Variants in RNF6 observed in about 807,000 individuals in gnomAD.
RNF6 encodes ring finger protein 6.
RNF6 carries 21 observed loss-of-function variants against 50.1 expected under a neutral mutation model. That is an observed-to-expected ratio of 0.42 (90% CI 0.30 to 0.60). The LOEUF is 0.60. Among genes scored for constraint, RNF6 ranks in the 20% least tolerant of loss-of-function variants. RNF6 has a pLI of 0.20. For synonymous variants in RNF6, 255 were observed against 291.8 expected (o/e 0.87, Z 1.29); for missense variants, 698 against 838.2 (o/e 0.83, Z 2.07).
rs374871143 is a variant in RNF6 at position 26,153,057 on chromosome 13, G to A, written n.769-20606C>T. Reference sequence around the variant, plus strand: ...AGTCCCGGCTACTTACGAGGCTGAGGCAGGAGAATTGCTTGAACCCAGGAG... The same window carrying A: ...AGTCCCGGCTACTTACGAGGCTGAGACAGGAGAATTGCTTGAACCCAGGAG... On this transcript the variant is annotated intron_variant and non_coding_transcript_variant, in intron 5 of 5. Transcript: ENST00000468480. 9.2e-5 allele frequency among the ~76,000 whole-genome samples: 14 copies of A among 151,906 alleles called. No individual in the cohort carries two copies. The East Asian group carries it at 2.1e-3, about 23-fold the overall frequency.
At chr13:26,154,606 A>G (rs1301860169) in intron 5 of RNF6, among the ~76,000 whole-genome samples, 1 of 152,248 alleles carries the variant, frequency 6.6e-6, no homozygotes, top group Non-Finnish European at 1.5e-5. Flanking sequence ...CAGAGAAAAC[A>G]CAAAGATACC....
At chr13:26,208,475 A>G (rs780870223), downstream of RNF6, among the ~76,000 whole-genome samples, 27 of 152,200 alleles carry the variant, frequency 1.8e-4, no homozygotes, top group Non-Finnish European at 2.6e-4. Context: ...TTGGAAGCTT[A>G]CCTGGATTTC....
chr13:26,219,491 C>T lies in RNF6; in HGVS notation c.159G>A (p.Arg53=), dbSNP rs61753154. Residue 53 remains arginine, a synonymous_variant, in exon 3 of 5, where the codon CGG becomes CGA. Transcript: ENST00000381588. The part of the protein sequence containing the change: ...FINELNDEDY[R]LMRDHNLLGT... ...CTAAAAGATTATGGTCTCTCATAAG[C>T]CGATAATCTTCATCATTGAGTTCAT... 6.0e-3 allele frequency: 9,760 copies of T among 1,613,646 alleles called. 43 individuals are homozygous for T. The highest frequency in any genetic ancestry group is 0.014 in the African/African-American group (1,073 of 74,990).
At chr13:26,194,483 T>C (rs1868581553) in intron 5 of RNF6, among the ~76,000 whole-genome samples, 1 of 152,148 alleles carries the variant, frequency 6.6e-6, no homozygotes, top group South Asian at 2.1e-4. Context: ...CCTCACCCTA[T>C]ACCTTATCAT....
At chr13:26,211,612 G>C (rs887926537), downstream of RNF6, among the ~76,000 whole-genome samples, 2 of 152,008 alleles carry the variant, frequency 1.3e-5, no homozygotes, top group South Asian at 4.2e-4. Context: ...CAGAAAATTC[G>C]CCGGGCGTGG....
intron 5 of RNF6, among the ~76,000 whole-genome samples, chr13:26,148,781 T>C (rs1304383467): frequency 6.7e-6 from 1 of 149,634 alleles, no homozygotes; most frequent in Non-Finnish European, 1.5e-5. Context: ...TCCCCAGATC[T>C]GCAGGGTGAG....
intron 5 of RNF6, among the ~76,000 whole-genome samples, chr13:26,151,882 T>C (rs1186262188): frequency 6.6e-6 from 1 of 152,218 alleles, no homozygotes; most frequent in South Asian, 2.1e-4. Context: ...TCCATTTCTC[T>C]GGGGTGCAGC....
chr13:26,142,681 C>T (rs1243487306), intron 5 of RNF6, among the ~76,000 whole-genome samples: 3 of 152,068 alleles, frequency 2.0e-5, no homozygotes, highest in Non-Finnish European at 2.9e-5. Flanking sequence ...TGGGTACACA[C>T]AGACATAAGA....
intron 5 of RNF6, among the ~76,000 whole-genome samples, chr13:26,179,746 G>A (rs1186209449): frequency 2.0e-5 from 3 of 152,158 alleles, no homozygotes; most frequent in Admixed American, 2.0e-4. Flanking sequence ...TGGATCCAGA[G>A]GCAGAGGTTT....
At chr13:26,161,293 A>T (rs181665089) in intron 5 of RNF6, among the ~76,000 whole-genome samples, 29 of 152,276 alleles carry the variant, frequency 1.9e-4, no homozygotes, top group Admixed American at 7.9e-4. Context: ...TAATATTTTT[A>T]AAAATATGCT....
intron 5 of RNF6, among the ~76,000 whole-genome samples, chr13:26,155,401 A>G (rs1246518030): frequency 1.3e-5 from 2 of 152,104 alleles, no homozygotes; most frequent in African/African-American, 4.8e-5. Context: ...TTTCTGGTTT[A>G]AAAATCAGAA....
intron 5 of RNF6, among the ~76,000 whole-genome samples, chr13:26,140,753 T>C (rs1464423250): frequency 6.6e-6 from 1 of 152,074 alleles, no homozygotes; most frequent in South Asian, 2.1e-4. Context: ...AACAAAAAGC[T>C]CCTAGACCTG....
chr13:26,184,018 A>ATATATATT (rs1335766541), intron 5 of RNF6, among the ~76,000 whole-genome samples: 14 of 33,940 alleles, frequency 4.1e-4, no homozygotes, highest in African/African-American at 1.0e-3. Context: ...ATATATATAT[A>ATATATATT]TTTTTTTTTT....
intron 5 of RNF6, among the ~76,000 whole-genome samples, chr13:26,204,496 C>CAAAAAAAAA (rs71080239): frequency 1.2e-4 from 8 of 68,904 alleles, no homozygotes; most frequent in African/African-American, 1.7e-4. Context: ...GACTCCACCT[C>CAAAAAAAAA]AAAAAAAAAA....
intron 5 of RNF6, among the ~76,000 whole-genome samples, chr13:26,157,512 A>C (rs1871990110): frequency 6.6e-6 from 1 of 152,152 alleles, no homozygotes; most frequent in Non-Finnish European, 1.5e-5. Flanking sequence ...TCTAGTATAC[A>C]AAAAGTCTTT....
At chr13:26,217,286 G>T (rs993782952) in intron 4 of RNF6, among the ~76,000 whole-genome samples, 7 of 152,186 alleles carry the variant, frequency 4.6e-5, no homozygotes, top group Non-Finnish European at 5.9e-5. Flanking sequence ...TGAGTAAAAG[G>T]CAGGTGAACA....
chr13:26,151,995 C>A (rs545641128), intron 5 of RNF6, among the ~76,000 whole-genome samples: 1 of 152,162 alleles, frequency 6.6e-6, no homozygotes, highest in Non-Finnish European at 1.5e-5. Context: ...CCACTGCCTT[C>A]TCACTGTCTC....
At chr13:26,188,820 A>G (rs1413930586) in intron 5 of RNF6, among the ~76,000 whole-genome samples, 6 of 151,084 alleles carry the variant, frequency 4.0e-5, no homozygotes, top group Non-Finnish European at 8.9e-5. Context: ...AGTAGAGATG[A>G]GGTTTCAACA....
At chr13:26,206,644 G>A (rs1869122523) in intron 5 of RNF6, among the ~76,000 whole-genome samples, 1 of 152,176 alleles carries the variant, frequency 6.6e-6, no homozygotes, top group African/African-American at 2.4e-5. Flanking sequence ...TATGGGAAAT[G>A]TGTTTGAGTT....
Sources: gnomAD v4.1 joint callset for allele counts (sites outside exome capture counted in the v4.1 genomes callset) on GRCh38, gnomAD v4.1.1 for gene constraint, MANE v1.5 for transcripts, NCBI Gene and HGNC (gene_info 2026-07-23, HGNC 2026-07-21) for gene names.